The following TUT4 variants were observed in gnomAD, a reference collection of about 807,000 sequenced individuals.
TUT4 encodes terminal uridylyl transferase 4, also known as terminal uridylyltransferase 4.
In TUT4, 36 loss-of-function variants were observed where a neutral mutation model predicts 192.2. That is an observed-to-expected ratio of 0.19 (90% confidence interval 0.14 to 0.25). The LOEUF is 0.25. Ranked by LOEUF, TUT4 falls within the 10% of genes least tolerant of loss-of-function variation. TUT4 has a pLI of 1.00. For synonymous variants in TUT4, 618 were observed against 666.0 expected, an observed-to-expected ratio of 0.93 and a Z score of 1.11; for missense variants, 1,493 against 1,957.2, an observed-to-expected ratio of 0.76 and a Z score of 4.47.
At chr1:52,508,919 A>G (rs1676354369) in intron 4 of TUT4, among the ~76,000 whole-genome samples, 2 of 152,208 alleles carry the variant, frequency 1.3e-5, no homozygotes, top group Admixed American at 1.3e-4. Context: ...TAAGTTTCTT[A>G]ATTGTCTGCA....
At chr1:52,472,518 C>T (rs1309877309) in intron 13 of TUT4, among the ~76,000 whole-genome samples, 1 of 151,540 alleles carries the variant, frequency 6.6e-6, no homozygotes, top group Non-Finnish European at 1.5e-5. Context: ...GAATCAATCA[C>T]AGAACCCTCA....
Position 52,435,470 on chromosome 1 carries a change from G to C in TUT4, c.4163-5C>G, listed in dbSNP as rs771858794. ...GGTTGCGGACCAGCTGGGCTGCTAA[G>C]AGAAGGCATCACAAAGAAAATCAAC... is the stretch of plus-strand genomic sequence containing the variant. On this transcript the variant is annotated splice_polypyrimidine_tract_variant and splice_region_variant and intron_variant, in intron 26 of 29. Transcript: ENST00000257177. 1 of 1,613,084 alleles carries C rather than the reference G, an allele frequency of 6.2e-7. No homozygotes were observed. Among genetic ancestry groups the C allele is most frequent in the South Asian group, 1.1e-5 (1 of 91,002 alleles).
intron 11 of TUT4, among the ~76,000 whole-genome samples, chr1:52,479,309 T>G (rs540012526): frequency 2.0e-5 from 3 of 152,132 alleles, no homozygotes; most frequent in Non-Finnish European, 4.4e-5. Flanking sequence ...AAGGGCATGA[T>G]CTGGCTTAAG....
chr1:52,516,122 C>CA (rs2149367436), intron 2 of TUT4, 68 bp from the exon 3 acceptor site: 2 of 1,246,514 alleles, frequency 1.6e-6, no homozygotes, highest in East Asian at 4.9e-5. Flanking sequence ...TAATGGAAAA[C>CA]AGACATTAAA....
chr1:52,444,149 G>A (rs986356151), intron 24 of TUT4, among the ~76,000 whole-genome samples: 3 of 151,888 alleles, frequency 2.0e-5, no homozygotes, highest in African/African-American at 4.8e-5. Context: ...CAGGAGGATC[G>A]CTTGAATCCA....
intron 11 of TUT4, among the ~76,000 whole-genome samples, chr1:52,480,457 A>T (rs1039555219): frequency 2.0e-5 from 3 of 152,274 alleles, no homozygotes; most frequent in African/African-American, 7.2e-5. Flanking sequence ...ATGGGGTGAC[A>T]TCAAAGCCTG....
intron 9 of TUT4, among the ~76,000 whole-genome samples, chr1:52,483,474 T>A (rs1192328806): frequency 6.6e-6 from 1 of 152,158 alleles, no homozygotes; most frequent in Non-Finnish European, 1.5e-5. Flanking sequence ...GCCCTCCATA[T>A]CAATGGGTTC....
At chr1:52,463,123 T>C in intron 16 of TUT4, 4 of 982,876 alleles carry the variant, frequency 4.1e-6, no homozygotes, top group Non-Finnish European at 4.8e-6. Flanking sequence ...AAATGATTTA[T>C]TATTTTCATT....
rs372443364 is a variant in TUT4 at position 52,534,910 on chromosome 1, G to A, written c.-93-8537C>T. On this transcript the variant is annotated intron_variant, in intron 1 of 29. Coordinates refer to ENST00000257177, the MANE Select transcript of TUT4 (RefSeq NM_001009881.3). ...AGGTTAGAAATTATTCATTCAAAAT[G>A]TTTTCAATGATTTCTAGTTTCTGGG... 8.5e-5 allele frequency: 13 copies of A among 152,252 alleles called. 1 individual carries two copies. The South Asian group carries it at 2.1e-3, about 24-fold the overall frequency. 9.4% of individuals were successfully genotyped at this position (152,252 alleles called of 1,614,324 possible).
intron 7 of TUT4, 81 bp downstream of exon 7, chr1:52,493,530 T>C: frequency 1.0e-6 from 1 of 989,514 alleles, no homozygotes; most frequent in South Asian, 1.5e-5. Context: ...TTTAACTTGG[T>C]TAGCCATATA....
intron 15 of TUT4, among the ~76,000 whole-genome samples, chr1:52,467,383 T>C (rs1239657670): frequency 6.6e-6 from 1 of 152,236 alleles, no homozygotes; most frequent in South Asian, 2.1e-4. Context: ...GACCACCTAC[T>C]GTAACTGTTA....
chr1:52,440,354 C>T lies in TUT4; in HGVS notation c.3823-2019G>A, dbSNP rs182097709. On this transcript the variant is annotated intron_variant, in intron 24 of 29. Coordinates refer to ENST00000257177, the MANE Select transcript of TUT4 (RefSeq NM_001009881.3). ...CTGTGTTGGCCAGGCTGGTCTTGAACTCCTGGCCTCAAGCGATCTTCCTGC... is the reference window on the plus strand; with the variant it reads ...CTGTGTTGGCCAGGCTGGTCTTGAATTCCTGGCCTCAAGCGATCTTCCTGC... Among the ~76,000 whole-genome samples, 65 of 151,384 alleles carry T rather than the reference C, an allele frequency of 4.3e-4. No individual in the cohort carries two copies. In the South Asian group the frequency reaches 7.9e-3, roughly 18 times the overall value.
chr1:52,506,442 G>T lies in TUT4; in HGVS notation c.999+3154C>A, dbSNP rs559249946. Among the ~76,000 whole-genome samples the T allele has an allele frequency of 4.7e-4, 72 of 152,252 alleles. 1 individual carries two copies. The South Asian group carries it at 0.015, about 31-fold the overall frequency. On this transcript the variant is annotated intron_variant, in intron 4 of 29. Coordinates refer to ENST00000257177, the MANE Select transcript of TUT4 (RefSeq NM_001009881.3). The stretch of plus-strand genomic sequence containing the variant: ...TCAGTGTTCTGGAAAAATTTGTACA[G>T]AACAAGTACATGTATATTGATCAAT...
At chr1:52,446,797 G>T (rs1192881960) in intron 20 of TUT4, 130 bp from the exon 21 acceptor site, 2 of 622,314 alleles carry the variant, frequency 3.2e-6, no homozygotes, top group African/African-American at 1.9e-5. Context: ...AACATGTCAG[G>T]ATGATGGTAT....
intron 9 of TUT4, among the ~76,000 whole-genome samples, chr1:52,485,462 A>T (rs1669548340): frequency 6.6e-6 from 1 of 152,086 alleles, no homozygotes; most frequent in South Asian, 2.1e-4. Context: ...TCATTTTCTT[A>T]TTGCATTTCC....
chr1:52,477,684 A>G, intron 12 of TUT4, 24 bp downstream of exon 12: 1 of 1,584,572 alleles, frequency 6.3e-7, no homozygotes, highest in Non-Finnish European at 8.6e-7. Flanking sequence ...TATTCTCCAA[A>G]TGAAATACAA....
chr1:52,493,907 T>G (rs1382817942), intron 6 of TUT4, among the ~76,000 whole-genome samples: 1 of 150,348 alleles, frequency 6.7e-6, no homozygotes, highest in East Asian at 2.0e-4. Flanking sequence ...AGACTCCTCC[T>G]GCCTCAGCAT....
At chr1:52,444,713 G>A (rs928700272) in intron 24 of TUT4, among the ~76,000 whole-genome samples, 1 of 150,396 alleles carries the variant, frequency 6.6e-6, no homozygotes, top group African/African-American at 2.5e-5. Flanking sequence ...GAAAAGGCAA[G>A]ACAGGACTAG....
Position 52,495,493 on chromosome 1 carries a change from G to A in TUT4, c.1200C>T (p.Gly400=). 1 of 1,610,114 alleles carries A rather than the reference G, an allele frequency of 6.2e-7. No homozygotes were observed. The highest frequency in any genetic ancestry group is 8.5e-7 in the Non-Finnish European group (1 of 1,177,696). The part of the protein sequence containing the change: ...FLPECSLRLY[G]SSLTRFALKS... ...TCAGAGCAAATCTAGTCAGAGATGA[G>A]CCATACAACCTAAGTGAACATTCTG... The change falls in exon 6 of 30, where the codon GGC becomes GGT. Residue 400 remains glycine, a synonymous_variant. Transcript: ENST00000257177.
Sources: allele counts gnomAD v4.1 joint callset (sites outside exome capture counted in the v4.1 genomes callset), GRCh38; gene constraint gnomAD v4.1.1; transcripts MANE v1.5; gene names NCBI Gene and HGNC (gene_info 2026-07-23, HGNC 2026-07-21).